The following TBC1D22A variants were observed in gnomAD, a reference collection of about 807,000 sequenced individuals.
TBC1D22A encodes the protein putative GTPase activator.
In TBC1D22A, 38 loss-of-function variants were observed where a neutral mutation model predicts 60.2. The ratio of observed to expected loss-of-function variants is 0.63; its 90% CI spans 0.49 to 0.83. The LOEUF (loss-of-function observed/expected upper bound fraction) is 0.83, where lower values mean the gene tolerates loss of function less well. Ranked by LOEUF, TBC1D22A falls within the 40% of genes least tolerant of loss-of-function variation. TBC1D22A has a pLI of 0.00. For synonymous variants in TBC1D22A, 302 were observed against 281.7 expected (o/e 1.07, Z -0.72); for missense variants, 628 against 701.0 (o/e 0.90, Z 1.18).
chr22:46,785,774 A>G (rs1055565847), intron 1 of TBC1D22A, among the ~76,000 whole-genome samples: 4 of 152,206 alleles, frequency 2.6e-5, no homozygotes, highest in Non-Finnish European at 5.9e-5. Flanking sequence ...TGTAGCTTGT[A>G]TCACTACTTT....
intron 9 of TBC1D22A, among the ~76,000 whole-genome samples, chr22:46,995,361 AG>A (rs2075084656): frequency 6.6e-6 from 1 of 152,190 alleles, no homozygotes; most frequent in South Asian, 2.1e-4. Context: ...TCCCTCAGCA[AG>A]CCGGCAGGTC....
chr22:47,060,396 C>T (rs1259142534), intron 11 of TBC1D22A, among the ~76,000 whole-genome samples: 1 of 151,922 alleles, frequency 6.6e-6, no homozygotes, highest in Non-Finnish European at 1.5e-5. Flanking sequence ...CGCCCACCAC[C>T]ATGCCCAGCT....
chr22:47,099,442 C>G (rs554683681), intron 11 of TBC1D22A, among the ~76,000 whole-genome samples: 4 of 149,854 alleles, frequency 2.7e-5, no homozygotes, highest in Non-Finnish European at 4.5e-5. Flanking sequence ...TTTCTTTTTT[C>G]TTTTGTTGTT....
At chr22:46,945,809 G>A (rs184098992) in intron 8 of TBC1D22A, among the ~76,000 whole-genome samples, 17 of 152,226 alleles carry the variant, frequency 1.1e-4, no homozygotes, top group Admixed American at 5.9e-4. Context: ...GAGGCGGGTC[G>A]AGGCACAAAG....
intron 9 of TBC1D22A, among the ~76,000 whole-genome samples, chr22:46,982,381 G>A (rs1034663166): frequency 6.6e-6 from 1 of 151,926 alleles, no homozygotes; most frequent in Non-Finnish European, 1.5e-5. Context: ...CCGCCTCCAC[G>A]CCCGGCTAAT....
intron 4 of TBC1D22A, among the ~76,000 whole-genome samples, chr22:46,817,013 C>T (rs1234434808): frequency 1.3e-5 from 2 of 152,300 alleles, no homozygotes; most frequent in East Asian, 3.9e-4. Context: ...GTAAAAAGAA[C>T]ATCTTGTATT....
intron 10 of TBC1D22A, among the ~76,000 whole-genome samples, chr22:47,005,841 C>G (rs774079334): frequency 2.0e-5 from 3 of 150,888 alleles, no homozygotes; most frequent in Non-Finnish European, 3.0e-5. Flanking sequence ...ACATACACAG[C>G]TACACACAGA....
At chr22:46,762,891 G>A (rs745635951) in intron 1 of TBC1D22A, 43 bp downstream of exon 1, 12 of 1,466,412 alleles carry the variant, frequency 8.2e-6, no homozygotes, top group Non-Finnish European at 1.1e-5. Flanking sequence ...AGGGGTCAGA[G>A]GTCAGGTGGC....
chr22:47,086,290 T>A (rs2147590092), intron 11 of TBC1D22A, among the ~76,000 whole-genome samples: 2 of 152,222 alleles, frequency 1.3e-5, no homozygotes, highest in Middle Eastern at 6.8e-3. Flanking sequence ...ACCCCGTCTC[T>A]ACTAAAAACA....
chr22:47,132,469 G>A (rs1453862233), intron 12 of TBC1D22A, among the ~76,000 whole-genome samples: 1 of 152,170 alleles, frequency 6.6e-6, no homozygotes, highest in Non-Finnish European at 1.5e-5. Context: ...GCACATGCCC[G>A]CTGCTACCTG....
chr22:46,972,313 C>T (rs1170152797), intron 8 of TBC1D22A, among the ~76,000 whole-genome samples: 1 of 152,168 alleles, frequency 6.6e-6, no homozygotes, highest in African/African-American at 2.4e-5. Flanking sequence ...CATGTCTGTG[C>T]CTGGTGCCTG....
intron 8 of TBC1D22A, among the ~76,000 whole-genome samples, chr22:46,927,164 A>T (rs1222408521): frequency 6.6e-6 from 1 of 152,264 alleles, no homozygotes; most frequent in African/African-American, 2.4e-5. Context: ...AGAAAATTAC[A>T]GAACAATATT....
At chr22:47,043,012 G>T (rs981068195) in intron 11 of TBC1D22A, among the ~76,000 whole-genome samples, 1 of 152,198 alleles carries the variant, frequency 6.6e-6, no homozygotes, top group Non-Finnish European at 1.5e-5. Context: ...CTCAGCCCAC[G>T]TGCAGTTATC....
intron 4 of TBC1D22A, among the ~76,000 whole-genome samples, chr22:46,848,415 T>G (rs2087118174): frequency 6.6e-6 from 1 of 152,228 alleles, no homozygotes; most frequent in Admixed American, 6.5e-5. Context: ...TATGACTAAC[T>G]GCAGTGAGTT....
intron 11 of TBC1D22A, among the ~76,000 whole-genome samples, chr22:47,058,621 T>C (rs1363354235): frequency 6.6e-6 from 1 of 151,946 alleles, no homozygotes; most frequent in African/African-American, 2.4e-5. Context: ...CACATTATCA[T>C]GTACCTGTGA....
chr22:47,150,644 C>T (rs12628632), intron 12 of TBC1D22A, among the ~76,000 whole-genome samples: 8,941 of 152,324 alleles, frequency 0.059, 473 homozygotes, highest in Admixed American at 0.18. Context: ...GCCACAAGCA[C>T]GTGTGCCACA....
intron 11 of TBC1D22A, among the ~76,000 whole-genome samples, chr22:47,063,983 T>C (rs2063673222): frequency 2.0e-5 from 1 of 50,062 alleles, no homozygotes; most frequent in Non-Finnish European, 3.5e-5. Flanking sequence ...AGGTGCCCTG[T>C]TTTCCTCTTC....
chr22:47,045,191 C>T (rs529469435), intron 11 of TBC1D22A, among the ~76,000 whole-genome samples: 3 of 152,342 alleles, frequency 2.0e-5, no homozygotes, highest in Admixed American at 6.5e-5. Flanking sequence ...TGAAAAGTTA[C>T]GTGGTGAGGA....
chr22:47,152,103 C>T (rs1601687963), intron 12 of TBC1D22A, among the ~76,000 whole-genome samples: 1 of 152,246 alleles, frequency 6.6e-6, no homozygotes, highest in East Asian at 1.9e-4. Flanking sequence ...GAACCCGGTC[C>T]TAGGGCTCCA....
Sources: gnomAD v4.1 joint callset for allele counts (sites outside exome capture counted in the v4.1 genomes callset) on GRCh38, gnomAD v4.1.1 for gene constraint, MANE v1.5 for transcripts, NCBI Gene and HGNC (gene_info 2026-07-23, HGNC 2026-07-21) for gene names.